Variants in CTIF observed in about 807,000 individuals in gnomAD.
CTIF encodes the protein cap binding complex dependent translation initiation factor, also known as CBP80/20-dependent translation initiation factor.
A neutral mutation model predicts 66.0 loss-of-function variants in CTIF; 21 were observed. The ratio of observed to expected loss-of-function variants is 0.32; its 90% confidence interval spans 0.23 to 0.46. CTIF has a LOEUF of 0.46. CTIF is among the 20% of genes least tolerant of loss of function. CTIF has a pLI of 1.00. For synonymous variants in CTIF, 345 were observed against 326.4 expected (o/e 1.06, Z -0.62); for missense variants, 739 against 812.7 (o/e 0.91, Z 1.10).
chr18:48,776,905 C>T (rs894100336), intron 9 of CTIF, among the ~76,000 whole-genome samples: 1 of 152,342 alleles, frequency 6.6e-6, no homozygotes, highest in African/African-American at 2.4e-5. Flanking sequence ...GGAGCCCCAG[C>T]CCTGCCTTTC....
intron 1 of CTIF, among the ~76,000 whole-genome samples, chr18:48,586,483 C>T (rs1486384646): frequency 6.6e-6 from 1 of 152,062 alleles, no homozygotes; most frequent in Non-Finnish European, 1.5e-5. Context: ...GTTGGCCAGG[C>T]TGGTCTCAAA....
At chr18:48,756,966 G>A (rs1272470447) in intron 7 of CTIF, among the ~76,000 whole-genome samples, 1 of 152,170 alleles carries the variant, frequency 6.6e-6, no homozygotes, top group African/African-American at 2.4e-5. Flanking sequence ...GCATAAACAA[G>A]AGGCATTTTA....
At chr18:48,556,627 C>T (rs902590606) in intron 1 of CTIF, among the ~76,000 whole-genome samples, 1 of 151,950 alleles carries the variant, frequency 6.6e-6, no homozygotes, top group African/African-American at 2.4e-5. Flanking sequence ...TGCAGTGGCG[C>T]AGTCTCAGCT....
At chr18:48,564,033 A>G (rs999799797) in intron 1 of CTIF, among the ~76,000 whole-genome samples, 3 of 152,126 alleles carry the variant, frequency 2.0e-5, no homozygotes, top group African/African-American at 7.2e-5. Context: ...GCTGCTCTCT[A>G]TATGGCTGCT....
chr18:48,598,913 A>G (rs2090037559), intron 1 of CTIF, among the ~76,000 whole-genome samples: 1 of 152,160 alleles, frequency 6.6e-6, no homozygotes, highest in Non-Finnish European at 1.5e-5. Context: ...CAATCCCAGC[A>G]AGACTCTTTC....
intron 2 of CTIF, among the ~76,000 whole-genome samples, chr18:48,630,377 G>C (rs879843019): frequency 6.6e-6 from 1 of 152,160 alleles, no homozygotes; most frequent in Non-Finnish European, 1.5e-5. Flanking sequence ...TCGCTTAGAA[G>C]TTTGAAATTT....
chr18:48,658,062 GCTTCTCTGA>G (rs1382466174), intron 3 of CTIF, among the ~76,000 whole-genome samples: 1 of 152,174 alleles, frequency 6.6e-6, no homozygotes, highest in Non-Finnish European at 1.5e-5. Flanking sequence ...CTGCCTTCCT[GCTTCTCTGA>G]CTTCTCTGGC....
intron 6 of CTIF, among the ~76,000 whole-genome samples, chr18:48,692,024 G>A (rs1281431157): frequency 6.6e-6 from 1 of 152,308 alleles, no homozygotes; most frequent in African/African-American, 2.4e-5. Flanking sequence ...TGGATTACAG[G>A]CGTGTGCCAC....
At chr18:48,567,835 G>A (rs942131219) in intron 1 of CTIF, 1 of 152,306 alleles carries the variant, frequency 6.6e-6, no homozygotes, top group Non-Finnish European at 1.5e-5. Context: ...GCAGCTGTGA[G>A]CCATTGAAGG....
chr18:48,730,203 G>GC (rs2092426470), intron 7 of CTIF, among the ~76,000 whole-genome samples: 1 of 150,072 alleles, frequency 6.7e-6, no homozygotes, highest in Non-Finnish European at 1.5e-5. Flanking sequence ...GGTGTGAGGG[G>GC]CTCCTGTGGT....
At chr18:48,542,082 A>G (rs866539861) in intron 1 of CTIF, among the ~76,000 whole-genome samples, 3 of 152,206 alleles carry the variant, frequency 2.0e-5, no homozygotes, top group Non-Finnish European at 2.9e-5. Flanking sequence ...AAAATAGAGT[A>G]TATTATGCTG....
In CTIF at chr18:48,619,585, C is replaced by T; in HGVS notation, c.20C>T (p.Ala7Val). 1.3e-6 allele frequency: 2 copies of T among 1,584,728 alleles called. No homozygotes were observed. The highest frequency in any genetic ancestry group is 1.7e-6 in the Non-Finnish European group (2 of 1,165,956). Residue 7 changes from alanine (A) to valine (V), a missense_variant, in exon 2 of 12, where the codon GCA becomes GTA. Physicochemically the swap from Ala to Val is moderately conservative, Grantham distance 64. Around this residue, in one of 2 missense-constraint regions of CTIF, gnomAD observed 529 missense variants for 520.3 expected, o/e 1.02. Coordinates refer to ENST00000256413, the MANE Select transcript of CTIF (RefSeq NM_014772.3). MENSSA[A>V]SASSEAGSSR... ...GGAGGGATGGAAAACTCCTCTGCAG[C>T]ATCAGCCTCCTCGGAGGCAGGGAGC... is the stretch of plus-strand genomic sequence containing the variant.
intron 1 of CTIF, among the ~76,000 whole-genome samples, chr18:48,613,389 C>T (rs1431321176): frequency 2.0e-5 from 3 of 152,112 alleles, no homozygotes; most frequent in African/African-American, 4.8e-5. Context: ...TTCACAGAAA[C>T]CCCTTCCAGA....
intron 6 of CTIF, among the ~76,000 whole-genome samples, chr18:48,677,288 T>C (rs1379699387): frequency 1.3e-5 from 2 of 152,000 alleles, no homozygotes; most frequent in Non-Finnish European, 2.9e-5. Flanking sequence ...CCCACGGAGG[T>C]GAGGTCTGAC....
intron 5 of CTIF, among the ~76,000 whole-genome samples, chr18:48,670,164 C>T (rs970800394): frequency 2.6e-5 from 4 of 151,894 alleles, no homozygotes; most frequent in Non-Finnish European, 5.9e-5. Context: ...CTCTCTGGCC[C>T]GAGGGCACGC....
At chr18:48,550,582 C>A (rs2088858966) in intron 1 of CTIF, among the ~76,000 whole-genome samples, 1 of 152,200 alleles carries the variant, frequency 6.6e-6, no homozygotes, top group Non-Finnish European at 1.5e-5. Context: ...CCCCTCTGGG[C>A]TCCTCTCCAC....
intron 9 of CTIF, among the ~76,000 whole-genome samples, chr18:48,797,248 C>T (rs772590189): frequency 6.6e-6 from 1 of 152,114 alleles, no homozygotes. Flanking sequence ...TTTGGGAGGC[C>T]GAGGTGGGCA....
chr18:48,724,320 C>A (rs2092366936), intron 7 of CTIF, among the ~76,000 whole-genome samples: 1 of 152,098 alleles, frequency 6.6e-6, no homozygotes, highest in Non-Finnish European at 1.5e-5. Flanking sequence ...GCTCCCTGAC[C>A]CCCTGCTCCT....
Position 48,599,953 on chromosome 18 carries a change from C to T in CTIF, c.-28-19585C>T, listed in dbSNP as rs1599218967. 3.3e-5 allele frequency among the ~76,000 whole-genome samples: 5 copies of T among 152,294 alleles called. No homozygotes were observed. The South Asian group carries it at 8.3e-4, about 25-fold the overall frequency. On this transcript the variant is annotated intron_variant, in intron 1 of 11. Transcript: ENST00000256413. ...CCCAGTGACCTCAAAGCTTTCCTACCTGTGACACCCTCCAAGTGGCCAATC... is the reference window on the plus strand; with the variant it reads ...CCCAGTGACCTCAAAGCTTTCCTACTTGTGACACCCTCCAAGTGGCCAATC...
Sources: allele counts gnomAD v4.1 joint callset (sites outside exome capture counted in the v4.1 genomes callset), GRCh38; gene constraint gnomAD v4.1.1; regional missense constraint gnomAD v4.1.1; transcripts MANE v1.5; gene names NCBI Gene and HGNC (gene_info 2026-07-23, HGNC 2026-07-21).